CNIH3: variants seen among roughly 807,000 people sequenced by gnomAD.
The protein encoded by CNIH3 is cornichon family AMPA receptor auxiliary protein 3.
CNIH3 carries 14 observed loss-of-function variants against 24.1 expected under a neutral mutation model. The ratio of observed to expected loss-of-function variants is 0.58; its 90% CI spans 0.38 to 0.91. The LOEUF is 0.91. Among genes scored for constraint, CNIH3 ranks in the 40% least tolerant of loss-of-function variants. CNIH3 has a pLI of 0.00. For missense variants in CNIH3, 178 were observed against 196.8 expected, an observed-to-expected ratio of 0.90 and a Z score of 0.57; for synonymous variants, 68 against 73.8, an observed-to-expected ratio of 0.92 and a Z score of 0.40.
chr1:224,605,644 C>T (rs964446238), intron 3 of CNIH3, among the ~76,000 whole-genome samples: 3 of 152,136 alleles, frequency 2.0e-5, no homozygotes, highest in Non-Finnish European at 4.4e-5. Flanking sequence ...TTTGAGATTT[C>T]TTTTCAGGTT....
downstream of CNIH3, among the ~76,000 whole-genome samples, chr1:224,591,182 A>G (rs918972870): frequency 6.6e-6 from 1 of 152,192 alleles, no homozygotes; most frequent in African/African-American, 2.4e-5. Flanking sequence ...TGCTTCACAT[A>G]TCTGAATTCT....
intron 3 of CNIH3, among the ~76,000 whole-genome samples, chr1:224,599,157 A>G (rs887789231): frequency 1.3e-5 from 2 of 152,022 alleles, no homozygotes; most frequent in African/African-American, 4.8e-5. Context: ...AAAAACCGCC[A>G]CCCTTTATTT....
chr1:224,635,801 A>C (rs933500617), intron 1 of CNIH3, among the ~76,000 whole-genome samples: 3 of 152,106 alleles, frequency 2.0e-5, no homozygotes, highest in African/African-American at 7.2e-5. Context: ...TCCTGGGCTC[A>C]ACTGGGCTCA....
chr1:224,586,681 C>A (rs998103669), intron 5 of CNIH3, among the ~76,000 whole-genome samples: 1 of 152,126 alleles, frequency 6.6e-6, no homozygotes, highest in African/African-American at 2.4e-5. Context: ...CAGAATGTAA[C>A]CTTATTTGGA....
exon 6 of CNIH3, chr1:224,588,403 A>G (rs900393167): frequency 2.6e-5 from 4 of 152,154 alleles, no homozygotes; most frequent in African/African-American, 7.2e-5. Flanking sequence ...TGTGAGATCT[A>G]TGGAGTGGGC....
intron 1 of CNIH3, among the ~76,000 whole-genome samples, chr1:224,456,161 A>G (rs1675641360): frequency 3.3e-5 from 5 of 152,194 alleles, no homozygotes; most frequent in Admixed American, 3.3e-4. Flanking sequence ...TGAAACATGC[A>G]TAATATGGTC....
At chr1:224,487,927 C>T (rs889041748) in intron 1 of CNIH3, among the ~76,000 whole-genome samples, 1 of 152,046 alleles carries the variant, frequency 6.6e-6, no homozygotes, top group Non-Finnish European at 1.5e-5. Context: ...TAAAAAGAAA[C>T]AATAAATCTT....
intron 1 of CNIH3, among the ~76,000 whole-genome samples, chr1:224,639,497 G>C (rs1684252364): frequency 6.6e-6 from 1 of 152,230 alleles, no homozygotes; most frequent in Non-Finnish European, 1.5e-5. Flanking sequence ...AGCGTGATAA[G>C]CAAGAAGGTG....
intron 2 of CNIH3, among the ~76,000 whole-genome samples, chr1:224,681,368 G>T (rs115096041): frequency 1.3e-5 from 2 of 152,178 alleles, no homozygotes; most frequent in Non-Finnish European, 2.9e-5. Flanking sequence ...TTGCAGGCAC[G>T]TGAGCACCAT....
At chr1:224,646,569 C>T (rs1338798049) in intron 1 of CNIH3, among the ~76,000 whole-genome samples, 1 of 152,106 alleles carries the variant, frequency 6.6e-6, no homozygotes, top group Non-Finnish European at 1.5e-5. Flanking sequence ...CCACGCCCAG[C>T]TAATTTTTGT....
intron 1 of CNIH3, among the ~76,000 whole-genome samples, chr1:224,631,491 T>C (rs1425077463): frequency 6.6e-6 from 1 of 152,178 alleles, no homozygotes; most frequent in Non-Finnish European, 1.5e-5. Context: ...TTCTTTCTTT[T>C]CTCTCATTTC....
chr1:224,627,213 C>A (rs531256674), intron 1 of CNIH3, among the ~76,000 whole-genome samples: 2 of 152,104 alleles, frequency 1.3e-5, no homozygotes, highest in East Asian at 3.9e-4. Flanking sequence ...AACCCAGAAG[C>A]TTGTGGGTCT....
intron 4 of CNIH3, among the ~76,000 whole-genome samples, chr1:224,577,426 A>G (rs1173470497): frequency 6.6e-6 from 1 of 152,110 alleles, no homozygotes; most frequent in Non-Finnish European, 1.5e-5. Context: ...CTCAACAAAT[A>G]TATATATACT....
intron 1 of CNIH3, among the ~76,000 whole-genome samples, chr1:224,442,937 C>T (rs1572247785): frequency 6.6e-6 from 1 of 152,140 alleles, no homozygotes; most frequent in African/African-American, 2.4e-5. Flanking sequence ...ACTTCGGCTC[C>T]TCACCTTTGA....
intron 3 of CNIH3, among the ~76,000 whole-genome samples, chr1:224,553,432 T>G (rs1680008288): frequency 6.6e-6 from 1 of 152,120 alleles, no homozygotes; most frequent in Non-Finnish European, 1.5e-5. Context: ...TGGCAAGAAT[T>G]CCTCAATGCT....
At chr1:224,657,831 T>C (rs1648228195) in intron 1 of CNIH3, among the ~76,000 whole-genome samples, 2 of 152,144 alleles carry the variant, frequency 1.3e-5, no homozygotes, top group South Asian at 4.1e-4. Flanking sequence ...AGTAAAACAA[T>C]TATGGATGAC....
chr1:224,557,302 C>G (rs1290575933), intron 3 of CNIH3, among the ~76,000 whole-genome samples: 1 of 152,122 alleles, frequency 6.6e-6, no homozygotes, highest in African/African-American at 2.4e-5. Context: ...CCCACCTCAG[C>G]CTTCCAAAGT....
chr1:224,544,118 T>C (rs1465270561), intron 2 of CNIH3, among the ~76,000 whole-genome samples: 5 of 152,200 alleles, frequency 3.3e-5, no homozygotes, highest in African/African-American at 1.2e-4. Context: ...TCTTGGACCA[T>C]GGCATTAGCT....
In CNIH3 at chr1:224,617,222, G is replaced by A; in HGVS notation, c.48G>A (p.Leu16=). Residue 16 remains leucine, a synonymous_variant, in exon 1 of 6, where the codon CTG becomes CTA. Coordinates refer to ENST00000272133, the MANE Select transcript of CNIH3 (RefSeq NM_152495.2). ...AAFCYMLSLV[L]CAALIFFAIW... ...TCTGCTACATGCTGTCTCTGGTGCT[G>A]TGCGCTGCGCTCATCTTCTTCGCCA... is the stretch of plus-strand genomic sequence containing the variant. The A allele has an allele frequency of 6.2e-7, 1 of 1,614,114 alleles. No individual in the cohort carries two copies. Among genetic ancestry groups the A allele is most frequent in the Non-Finnish European group, 8.5e-7 (1 of 1,179,992 alleles).
Sources: allele counts gnomAD v4.1 joint callset (sites outside exome capture counted in the v4.1 genomes callset), GRCh38; gene constraint gnomAD v4.1.1; transcripts MANE v1.5; gene names NCBI Gene and HGNC (gene_info 2026-07-23, HGNC 2026-07-21).